UNC79: variants seen among roughly 807,000 people sequenced by gnomAD.
UNC79 encodes the protein unc-79 subunit of NALCN channel complex.
UNC79 carries 37 observed loss-of-function variants against 283.1 expected under a neutral mutation model. The ratio of observed to expected loss-of-function variants is 0.13; its 90% CI spans 0.10 to 0.17. UNC79 has a LOEUF of 0.17. UNC79 is among the 10% of genes least tolerant of loss of function. The pLI is 1.00. For missense variants in UNC79, 2,272 were observed against 3,211.1 expected, an observed-to-expected ratio of 0.71 and a Z score of 7.07; for synonymous variants, 1,107 against 1,200.2, an observed-to-expected ratio of 0.92 and a Z score of 1.61.
rs563717055 is a variant in UNC79 at position 93,656,637 on chromosome 14, G to A, written c.6456+1230G>A. ...CCACTGCACTCTAGCCTGGATGACA[G>A]AGAGAGACTCTGTCTCAAAAATAAA... On this transcript the variant is annotated intron_variant, in intron 38 of 48. Transcript: ENST00000555664. Among the ~76,000 whole-genome samples, 4 of 152,154 alleles carry A rather than the reference G, an allele frequency of 2.6e-5. No homozygotes were observed. The South Asian group carries it at 6.2e-4, about 24-fold the overall frequency.
intron 1 of UNC79, among the ~76,000 whole-genome samples, chr14:93,401,187 TA>T (rs2055101139): frequency 6.6e-6 from 1 of 152,212 alleles, no homozygotes; most frequent in African/African-American, 2.4e-5. Flanking sequence ...CTTCAACATG[TA>T]AATTGTTGTC....
At chr14:93,467,856 T>A (rs2057294418) in intron 2 of UNC79, 65 bp downstream of exon 2, 2 of 1,430,450 alleles carry the variant, frequency 1.4e-6, no homozygotes, top group Admixed American at 6.4e-5. Flanking sequence ...TTTATTGGGA[T>A]CTAAATTTTT....
chr14:93,614,830 A>G (rs558866834), intron 27 of UNC79, among the ~76,000 whole-genome samples: 1 of 152,242 alleles, frequency 6.6e-6, no homozygotes, highest in South Asian at 2.1e-4. Flanking sequence ...TTATGGACTC[A>G]TATTGCTCCC....
At chr14:93,460,248 G>T (rs553692668) in intron 1 of UNC79, among the ~76,000 whole-genome samples, 5 of 133,828 alleles carry the variant, frequency 3.7e-5, no homozygotes, top group African/African-American at 1.4e-4. Flanking sequence ...AGTGGCTTAC[G>T]CCTGTAATCC....
Position 93,497,274 on chromosome 14 carries a change from T to C in UNC79, c.886T>C (p.Leu296=). Residue 296 remains leucine, a synonymous_variant, in exon 7 of 49, where the codon TTG becomes CTG. Transcript: ENST00000555664. ...TGGGGCAATAAGCGAGTACAGGGGGTTGCAGTACACAGGTAAGAGGAGAGG... is the reference window on the plus strand; with the variant it reads ...TGGGGCAATAAGCGAGTACAGGGGGCTGCAGTACACAGGTAAGAGGAGAGG... 1.9e-6 allele frequency: 3 copies of C among 1,612,458 alleles called. No homozygotes were observed. In the East Asian group the frequency reaches 6.7e-5, roughly 36 times the overall value.
chr14:93,431,581 A>G (rs185618210), intron 1 of UNC79, among the ~76,000 whole-genome samples: 5 of 152,278 alleles, frequency 3.3e-5, no homozygotes, highest in African/African-American at 1.2e-4. Context: ...GCCAGGCAAG[A>G]GGAAAATTAA....
intron 4 of UNC79, among the ~76,000 whole-genome samples, chr14:93,480,955 T>C (rs2058099632): frequency 6.6e-6 from 1 of 152,154 alleles, no homozygotes; most frequent in Non-Finnish European, 1.5e-5. Context: ...TGAACTGCTT[T>C]TCAGGTATAA....
intron 42 of UNC79, among the ~76,000 whole-genome samples, chr14:93,683,681 A>G (rs1205998918): frequency 6.6e-6 from 1 of 152,238 alleles, no homozygotes; most frequent in East Asian, 1.9e-4. Flanking sequence ...TCCAACAACA[A>G]CAGAAAAGCA....
intron 11 of UNC79, among the ~76,000 whole-genome samples, chr14:93,537,590 C>G (rs1350903206): frequency 6.6e-6 from 1 of 152,188 alleles, no homozygotes; most frequent in African/African-American, 2.4e-5. Context: ...CTTTTCTTCC[C>G]TGATGTGCTG....
intron 38 of UNC79, among the ~76,000 whole-genome samples, chr14:93,656,771 G>A (rs1343357339): frequency 2.6e-5 from 4 of 152,200 alleles, no homozygotes; most frequent in African/African-American, 7.2e-5. Flanking sequence ...CTGGGAAGTC[G>A]AGGTTGTAAT....
At chr14:93,370,836 A>G (rs547686666) in intron 1 of UNC79, among the ~76,000 whole-genome samples, 1 of 152,242 alleles carries the variant, frequency 6.6e-6, no homozygotes, top group South Asian at 2.1e-4. Flanking sequence ...CAGAAGACAA[A>G]GATTGAAAAC....
In UNC79 at chr14:93,411,841, C is replaced by G. The variant is rs554101503; in HGVS notation, c.-350-55830C>G. Among the ~76,000 whole-genome samples, 14 of 152,242 alleles carry G rather than the reference C, an allele frequency of 9.2e-5. 1 individual carries two copies. The highest frequency in any genetic ancestry group is 3.1e-4 in the African/African-American group (13 of 41,550). ...AGGATGGATACAAACAAGACCAGACCAGGAAACTGAGAAATATCTAACTCT... is the reference window on the plus strand; with the variant it reads ...AGGATGGATACAAACAAGACCAGACGAGGAAACTGAGAAATATCTAACTCT... On this transcript the variant is annotated intron_variant, in intron 1 of 49. Coordinates refer to the UNC79 transcript ENST00000256339.
intron 1 of UNC79, among the ~76,000 whole-genome samples, chr14:93,340,719 G>A (rs1161299348): frequency 6.6e-6 from 1 of 151,848 alleles, no homozygotes; most frequent in Non-Finnish European, 1.5e-5. Flanking sequence ...CTACAGATGT[G>A]CACCACCATA....
At chr14:93,401,103 T>C (rs2055099426) in intron 1 of UNC79, among the ~76,000 whole-genome samples, 1 of 152,216 alleles carries the variant, frequency 6.6e-6, no homozygotes, top group South Asian at 2.1e-4. Flanking sequence ...TAGACATCTA[T>C]TAAACAGTTA....
intron 7 of UNC79, among the ~76,000 whole-genome samples, chr14:93,499,211 C>T (rs1252698781): frequency 6.6e-6 from 1 of 152,076 alleles, no homozygotes; most frequent in Non-Finnish European, 1.5e-5. Flanking sequence ...GAATTGGTAT[C>T]ATAGGTGCTG....
chr14:93,461,691 G>C (rs1013733870), intron 1 of UNC79, among the ~76,000 whole-genome samples: 18 of 152,138 alleles, frequency 1.2e-4, no homozygotes, highest in African/African-American at 4.3e-4. Context: ...AAAGCTCACT[G>C]TTCACTTAGA....
At chr14:93,409,708 AAACATAT>A (rs1391861626) in intron 1 of UNC79, among the ~76,000 whole-genome samples, 1 of 152,154 alleles carries the variant, frequency 6.6e-6, no homozygotes, top group Non-Finnish European at 1.5e-5. Flanking sequence ...AAATAAATGG[AAACATAT>A]ATAAAAAATA....
Position 93,637,248 on chromosome 14 carries a change from G to A in UNC79, c.5749G>A (p.Val1917Met), listed in dbSNP as rs769311063. The A allele has an allele frequency of 7.2e-6, 11 of 1,532,466 alleles. No homozygotes were observed. Among genetic ancestry groups the A allele is most frequent in the Admixed American group, 6.7e-5 (4 of 59,880 alleles). 94.9% of individuals were successfully genotyped at this position (1,532,466 alleles called of 1,614,324 possible). Residue 1917 changes from valine (V) to methionine (M), a missense_variant, in exon 32 of 49, where the codon GTG (valine) becomes ATG (methionine). By Grantham distance (21) the Val-to-Met change is conservative. This residue lies in a region of UNC79 where 580 missense variants were observed against 632.2 expected (regional missense o/e 0.92). Transcript: ENST00000555664. ...ACAGCCTGGGAAACGCCAGTGTAAC[G>A]TGCCAACGTGCCTAAACCCTGACCT...
intron 1 of UNC79, among the ~76,000 whole-genome samples, chr14:93,446,068 T>C (rs1286052397): frequency 6.6e-6 from 1 of 152,176 alleles, no homozygotes; most frequent in Non-Finnish European, 1.5e-5. Flanking sequence ...GAACCAACTT[T>C]TGGTTTCAAT....
Sources: gnomAD v4.1 joint callset for allele counts (sites outside exome capture counted in the v4.1 genomes callset) on GRCh38, gnomAD v4.1.1 for gene constraint, gnomAD v4.1.1 regional missense constraint, MANE v1.5 for transcripts, NCBI Gene and HGNC (gene_info 2026-07-23, HGNC 2026-07-21) for gene names.